AATF: variants seen among roughly 807,000 people sequenced by gnomAD.
AATF encodes protein AATF.
In AATF, 48 loss-of-function variants were observed where a neutral mutation model predicts 63.7. The observed-to-expected ratio is 0.75, with a 90% CI of 0.60 to 0.96. The LOEUF is 0.96. AATF is among the 40% of genes least tolerant of loss of function. AATF has a pLI of 0.00. For synonymous variants in AATF, 258 were observed against 247.7 expected (o/e 1.04, Z -0.39); for missense variants, 639 against 685.7 (o/e 0.93, Z 0.76).
At chr17:37,044,597 C>G (rs1305593860) in intron 11 of AATF, among the ~76,000 whole-genome samples, 1 of 152,126 alleles carries the variant, frequency 6.6e-6, no homozygotes, top group East Asian at 1.9e-4. Flanking sequence ...TATAGGTTTT[C>G]TGTGCTATTT....
intron 10 of AATF, among the ~76,000 whole-genome samples, chr17:37,026,253 G>A (rs2071510286): frequency 6.6e-6 from 1 of 152,204 alleles, no homozygotes; most frequent in African/African-American, 2.4e-5. Context: ...GTAATGTGGG[G>A]TCTTAGAAGC....
chr17:37,038,354 A>G (rs966694561), intron 11 of AATF, among the ~76,000 whole-genome samples: 10 of 152,126 alleles, frequency 6.6e-5, no homozygotes, highest in African/African-American at 2.4e-4. Flanking sequence ...ACTGACTGAG[A>G]CCCCTGAGAC....
rs2071801298 is a variant in AATF, at chr17:37,056,662, T to A, written c.1681T>A (p.Ter561ArgextTer29). Reference sequence around the variant, plus strand: ...CCCTCCCGACGAAGGCCACGGGGATTGACATCGCCCACCTCCGACACCCAG... The same window carrying A: ...CCCTCCCGACGAAGGCCACGGGGATAGACATCGCCCACCTCCGACACCCAG... The part of the protein sequence containing the change: ...LHPPDEGHGD[*>R] Residue 561 changes from the stop codon to arginine, a stop_lost, in exon 12 of 12, where the codon TGA (stop) becomes AGA (arginine). Coordinates refer to ENST00000619387, the MANE Select transcript of AATF (RefSeq NM_012138.4). 6.2e-7 allele frequency: 1 copy of A among 1,614,044 alleles called. No homozygotes were observed. Among genetic ancestry groups the A allele is most frequent in the African/African-American group, 1.3e-5 (1 of 74,922 alleles).
chr17:37,044,743 C>G (rs1398884718), intron 11 of AATF, among the ~76,000 whole-genome samples: 1 of 152,158 alleles, frequency 6.6e-6, no homozygotes, highest in Non-Finnish European at 1.5e-5. Flanking sequence ...CCCCGTTGAG[C>G]ATGCCTAATC....
At chr17:37,049,684 C>T (rs1257984285) in intron 11 of AATF, among the ~76,000 whole-genome samples, 2 of 151,868 alleles carry the variant, frequency 1.3e-5, no homozygotes, top group African/African-American at 4.8e-5. Flanking sequence ...AGTGAGTAGC[C>T]TTTGCCCTTT....
Position 36,948,987 on chromosome 17 carries a change from G to A in AATF, c.-139G>A, listed in dbSNP as rs1419983574. The A allele has an allele frequency of 6.5e-6, 5 of 770,802 alleles. No individual in the cohort carries two copies. Among genetic ancestry groups the A allele is most frequent in the Admixed American group, 4.7e-5 (2 of 42,222 alleles). The allele number at this position is 770,802 out of a possible 1,614,324, so 47.7% of individuals were successfully genotyped here. A position where few individuals can be genotyped will look rare whatever the true frequency, so the allele number is the denominator to read the frequency against. On this transcript the variant is annotated 5_prime_UTR_variant, in exon 1 of 12. Coordinates refer to ENST00000619387, the MANE Select transcript of AATF (RefSeq NM_012138.4). ...CGGAAGTGGCCGGTCCAGAGCTGTG[G>A]GGTGGCCTCCGCGCGGTCTCTGGCG...
chr17:37,025,165 G>A (rs1238947064), intron 10 of AATF, among the ~76,000 whole-genome samples: 1 of 152,118 alleles, frequency 6.6e-6, no homozygotes. Flanking sequence ...ATAGGTCTTG[G>A]TAGTAATCAT....
intron 5 of AATF, among the ~76,000 whole-genome samples, chr17:36,988,313 CAAAA>C (rs529141294): frequency 7.4e-5 from 11 of 147,836 alleles, no homozygotes; most frequent in African/African-American, 2.5e-4. Flanking sequence ...AAGACTGTCT[CAAAA>C]AAAAAAGTTA....
At chr17:37,002,542 G>A (rs765606717) in intron 8 of AATF, among the ~76,000 whole-genome samples, 1 of 151,290 alleles carries the variant, frequency 6.6e-6, no homozygotes, top group Non-Finnish European at 1.5e-5. Flanking sequence ...CGTGGTGGTG[G>A]GCGCCTGTAG....
intron 5 of AATF, among the ~76,000 whole-genome samples, 196 bp downstream of exon 5, chr17:36,986,927 G>A (rs1229366580): frequency 1.3e-5 from 2 of 152,164 alleles, no homozygotes; most frequent in African/African-American, 4.8e-5. Context: ...TGTACCTGAT[G>A]TGCTTTGCGG....
chr17:36,979,052 C>T (rs2071100738), intron 4 of AATF, among the ~76,000 whole-genome samples: 1 of 151,992 alleles, frequency 6.6e-6, no homozygotes, highest in Non-Finnish European at 1.5e-5. Flanking sequence ...TAATAGGATT[C>T]CTCTGGCCAC....
chr17:37,029,184 G>T (rs1030610353), intron 10 of AATF, among the ~76,000 whole-genome samples: 1 of 151,856 alleles, frequency 6.6e-6, no homozygotes. Context: ...TCAGCCTCCC[G>T]AGTAGCTGGG....
chr17:37,050,417 A>G (rs1006245599), intron 11 of AATF, among the ~76,000 whole-genome samples: 1 of 152,266 alleles, frequency 6.6e-6, no homozygotes, highest in African/African-American at 2.4e-5. Flanking sequence ...TTTTGAGGCC[A>G]GGAATCATAT....
intron 8 of AATF, among the ~76,000 whole-genome samples, chr17:37,012,274 C>G (rs911186645): frequency 4.6e-5 from 7 of 152,106 alleles, no homozygotes; most frequent in African/African-American, 1.7e-4. Context: ...AGGCTGGTCT[C>G]GAACTTCTGG....
chr17:37,023,287 A>G (rs2071486707), intron 10 of AATF, among the ~76,000 whole-genome samples: 1 of 152,218 alleles, frequency 6.6e-6, no homozygotes, highest in Non-Finnish European at 1.5e-5. Context: ...GTAGGCATTC[A>G]AAAATGTTCA....
intron 8 of AATF, among the ~76,000 whole-genome samples, chr17:36,997,842 C>T (rs897307801): frequency 3.9e-5 from 6 of 152,072 alleles, no homozygotes; most frequent in Admixed American, 6.5e-5. Flanking sequence ...CATCAATCAA[C>T]GAGTGGATAA....
intron 8 of AATF, among the ~76,000 whole-genome samples, chr17:37,017,496 G>A (rs964878742): frequency 8.5e-5 from 13 of 152,084 alleles, no homozygotes; most frequent in African/African-American, 2.9e-4. Flanking sequence ...CACTGGATTT[G>A]GATCTTGTAT....
chr17:36,981,296 A>G (rs964993527), intron 4 of AATF, among the ~76,000 whole-genome samples: 1 of 152,162 alleles, frequency 6.6e-6, no homozygotes, highest in African/African-American at 2.4e-5. Flanking sequence ...TCTGACATGC[A>G]TGTTGAGGAC....
intron 4 of AATF, among the ~76,000 whole-genome samples, chr17:36,965,420 C>CT (rs2070983680): frequency 6.6e-6 from 1 of 152,212 alleles, no homozygotes; most frequent in Non-Finnish European, 1.5e-5. Flanking sequence ...CCCTTGAGAT[C>CT]ACATTGGACC....
Sources: allele counts gnomAD v4.1 joint callset (sites outside exome capture counted in the v4.1 genomes callset), GRCh38; gene constraint gnomAD v4.1.1; transcripts MANE v1.5; gene names NCBI Gene and HGNC (gene_info 2026-07-23, HGNC 2026-07-21).